Variants in ANO4 observed in about 807,000 individuals in gnomAD.
ANO4 encodes the protein anoctamin-4.
A neutral mutation model predicts 141.9 loss-of-function variants in ANO4; 69 were observed. That is an observed-to-expected ratio of 0.49 (90% CI 0.40 to 0.59). The LOEUF (loss-of-function observed/expected upper bound fraction) is 0.59. Ranked by LOEUF, ANO4 falls within the 20% of genes least tolerant of loss-of-function variation. The pLI, the probability that ANO4 is intolerant of heterozygous loss-of-function variation, is 0.00. For synonymous variants in ANO4, 350 were observed against 394.3 expected (o/e 0.89, Z 1.33); for missense variants, 894 against 1,162.2 (o/e 0.77, Z 3.36).
At chr12:101,049,637 A>G (rs1256460067) in intron 14 of ANO4, among the ~76,000 whole-genome samples, 2 of 152,156 alleles carry the variant, frequency 1.3e-5, no homozygotes, top group African/African-American at 2.4e-5. Context: ...TACCAAAAGT[A>G]TTTATTTATG....
At chr12:100,779,653 C>T (rs1256121226) in intron 3 of ANO4, among the ~76,000 whole-genome samples, 2 of 152,124 alleles carry the variant, frequency 1.3e-5, no homozygotes, top group East Asian at 3.9e-4. Flanking sequence ...CCTTCTCTAC[C>T]CCTCATATGT....
chr12:101,028,252 A>G (rs957654913), intron 9 of ANO4, among the ~76,000 whole-genome samples: 1 of 152,184 alleles, frequency 6.6e-6, no homozygotes, highest in East Asian at 1.9e-4. Context: ...CTGAAAACCC[A>G]AAAGGACAGA....
chr12:100,763,226 G>A (rs2032948924), intron 3 of ANO4, among the ~76,000 whole-genome samples: 1 of 152,056 alleles, frequency 6.6e-6, no homozygotes, highest in African/African-American at 2.4e-5. Context: ...AGTTTCTCTG[G>A]ACTCCATATG....
intron 3 of ANO4, among the ~76,000 whole-genome samples, chr12:100,935,936 C>T (rs916062569): frequency 1.3e-5 from 2 of 152,118 alleles, no homozygotes; most frequent in Admixed American, 6.5e-5. Flanking sequence ...GGATGAAGTG[C>T]ACATACTTTT....
intron 13 of ANO4, among the ~76,000 whole-genome samples, chr12:101,045,045 T>C: frequency 6.6e-6 from 1 of 152,214 alleles, no homozygotes. Context: ...ATTCTCTTTT[T>C]AGGAGATCCT....
upstream of ANO4, chr12:100,717,430 C>A: frequency 2.6e-6 from 1 of 390,818 alleles, no homozygotes; most frequent in Non-Finnish European, 4.5e-6. Flanking sequence ...TAGAGCCAAG[C>A]GCATGCACTC....
At chr12:100,972,823 AAC>A (rs1208215938) in intron 6 of ANO4, among the ~76,000 whole-genome samples, 1 of 152,228 alleles carries the variant, frequency 6.6e-6, no homozygotes, top group Non-Finnish European at 1.5e-5. Context: ...CTTCTGCCAG[AAC>A]ACACTTCTGT....
Position 100,942,377 on chromosome 12 carries a change from A to G in ANO4, c.298A>G (p.Thr100Ala), listed in dbSNP as rs372743717. 3.8e-5 allele frequency: 62 copies of G among 1,613,130 alleles called. No homozygotes were observed. In the African/African-American group the frequency reaches 4.8e-4, roughly 13 times the overall value. ...CTGGTCCCTTTCTCTTTGTGTGCAG[A>G]CAGTGCCAGAAAGAAACAAATCAAA... Reference protein sequence around the residue: ...DASRLEAGGETVPERNKSNGL... With the variant: ...DASRLEAGGEAVPERNKSNGL... Residue 100 changes from threonine to alanine, a missense_variant and splice_region_variant, in exon 5 of 28, where the codon ACA becomes GCA. Transcript: ENST00000392977.
At chr12:101,020,010 T>G (rs762232747) in intron 8 of ANO4, 24 bp from the exon 9 acceptor site, 9 of 1,571,486 alleles carry the variant, frequency 5.7e-6, no homozygotes, top group Non-Finnish European at 7.9e-6. Context: ...ATTCTCAACT[T>G]GTATTTTTAA....
intron 22 of ANO4, among the ~76,000 whole-genome samples, chr12:101,102,215 G>A (rs1017840726): frequency 5.9e-5 from 9 of 151,932 alleles, no homozygotes; most frequent in African/African-American, 1.2e-4. Flanking sequence ...ATTAACATAC[G>A]TAGATGTTTT....
chr12:101,027,307 A>G (rs970130015), intron 9 of ANO4, among the ~76,000 whole-genome samples: 3 of 152,072 alleles, frequency 2.0e-5, no homozygotes, highest in African/African-American at 7.2e-5. Context: ...ATTCTCAACA[A>G]CCTCTCAGCT....
intron 1 of ANO4, among the ~76,000 whole-genome samples, chr12:100,867,605 C>G (rs1475397892): frequency 2.1e-5 from 2 of 93,312 alleles, no homozygotes; most frequent in African/African-American, 7.7e-5. Context: ...CTCTGTCTCT[C>G]TCTCTCTCAC....
intron 22 of ANO4, among the ~76,000 whole-genome samples, chr12:101,101,101 C>G (rs1275263666): frequency 6.6e-6 from 1 of 152,160 alleles, no homozygotes; most frequent in South Asian, 2.1e-4. Flanking sequence ...GCAAAGCCTT[C>G]TTTATTTCTA....
chr12:101,100,630 G>T (rs962461197), intron 22 of ANO4, among the ~76,000 whole-genome samples: 2 of 152,094 alleles, frequency 1.3e-5, no homozygotes, highest in Admixed American at 1.3e-4. Context: ...CAATAATGTT[G>T]GTATATTGAG....
rs184871698 is a variant in ANO4 at position 100,882,876 on chromosome 12, T to A, written c.-140-18770T>A. On this transcript the variant is annotated intron_variant, in intron 1 of 27. Transcript: ENST00000392977. Reference sequence around the variant, plus strand: ...CACTGTGCCTGGCTAAGTTTTGTATTTTTTAGTAGAGACGAGGTTTCTCCA... The same window carrying A: ...CACTGTGCCTGGCTAAGTTTTGTATATTTTAGTAGAGACGAGGTTTCTCCA... Among the ~76,000 whole-genome samples, 20 of 152,100 alleles carry A rather than the reference T, an allele frequency of 1.3e-4. No homozygotes were observed. In the East Asian group the frequency reaches 3.9e-3, roughly 29 times the overall value.
intron 8 of ANO4, among the ~76,000 whole-genome samples, chr12:100,991,017 A>G (rs7964712): frequency 0.36 from 55,334 of 151,988 alleles, 10,288 homozygotes; most frequent in Non-Finnish European, 0.39. Context: ...CCAAGGAAGA[A>G]AAAGCAGAGG....
chr12:100,869,902 A>G (rs1554071), intron 1 of ANO4, among the ~76,000 whole-genome samples: 122,624 of 152,070 alleles, frequency 0.81, 49,473 homozygotes, highest in Admixed American at 0.86. Flanking sequence ...TTCATCTCCT[A>G]CCACTGCTAG....
intron 14 of ANO4, chr12:101,068,246 C>T: frequency 1.4e-6 from 2 of 1,426,036 alleles, no homozygotes; most frequent in Non-Finnish European, 9.4e-7. Context: ...GAAAACATCG[C>T]TTCTGGGACA....
chr12:100,781,321 C>T (rs143497072), intron 3 of ANO4, among the ~76,000 whole-genome samples: 25 of 152,290 alleles, frequency 1.6e-4, no homozygotes, highest in South Asian at 4.1e-4. Flanking sequence ...GGAGCATTTC[C>T]ACTATCAACC....
Sources: allele counts gnomAD v4.1 joint callset (sites outside exome capture counted in the v4.1 genomes callset), GRCh38; gene constraint gnomAD v4.1.1; transcripts MANE v1.5; gene names NCBI Gene and HGNC (gene_info 2026-07-23, HGNC 2026-07-21).